Variants in FBXL13 observed in about 807,000 individuals in gnomAD.
FBXL13 encodes F-box and leucine-rich repeat protein 13.
In FBXL13, 67 loss-of-function variants were observed where a neutral mutation model predicts 83.6. That is an observed-to-expected ratio of 0.80 (90% CI 0.66 to 0.98). FBXL13 has a LOEUF of 0.98. FBXL13 is among the 50% of genes least tolerant of loss of function. FBXL13 has a pLI of 0.00. For synonymous variants in FBXL13, 272 were observed against 299.5 expected, an observed-to-expected ratio of 0.91 and a Z score of 0.95; for missense variants, 822 against 866.5, an observed-to-expected ratio of 0.95 and a Z score of 0.64.
intron 2 of FBXL13, among the ~76,000 whole-genome samples, chr7:103,032,912 C>T (rs1480126922): frequency 6.6e-6 from 1 of 152,080 alleles, no homozygotes; most frequent in Non-Finnish European, 1.5e-5. Flanking sequence ...ACCCATAGTA[C>T]CAGCAACTTG....
At chr7:102,933,945 G>A in intron 8 of FBXL13, 1 of 1,612,506 alleles carries the variant, frequency 6.2e-7, no homozygotes, top group Non-Finnish European at 8.5e-7. Context: ...ATCTTGCTCT[G>A]CTTTTGCAAA....
intron 16 of FBXL13, among the ~76,000 whole-genome samples, chr7:102,864,929 A>G (rs6942855): frequency 0.19 from 28,951 of 152,160 alleles, 3,017 homozygotes; most frequent in East Asian, 0.43. Context: ...TCAAAGTGCC[A>G]TGGCACCAGC....
At chr7:102,962,289 T>C (rs1261033172) in intron 8 of FBXL13, among the ~76,000 whole-genome samples, 1 of 152,004 alleles carries the variant, frequency 6.6e-6, no homozygotes, top group Admixed American at 6.6e-5. Flanking sequence ...CAATGAGATA[T>C]CATCTCACAC....
At chr7:103,023,168 C>A (rs537856846) in intron 6 of FBXL13, among the ~76,000 whole-genome samples, 1 of 152,190 alleles carries the variant, frequency 6.6e-6, no homozygotes, top group Admixed American at 6.5e-5. Flanking sequence ...CCCAGCTACT[C>A]AGGAGGCTGA....
rs146764096 is a variant in FBXL13, at chr7:103,055,636, A to G, written c.-1+8T>C. On this transcript the variant is annotated splice_region_variant and intron_variant, in intron 2 of 19. Coordinates refer to ENST00000313221, the Ensembl canonical transcript of FBXL13. Reference sequence around the variant, plus strand: ...TATTTCCCTATCAAAAATCAAAACAATACTTACCAAAGAAGATTCTGAAGA... The same window carrying G: ...TATTTCCCTATCAAAAATCAAAACAGTACTTACCAAAGAAGATTCTGAAGA... The G allele has an allele frequency of 2.2e-3, 2,610 of 1,192,938 alleles. 49 individuals are homozygous for G. In the African/African-American group the frequency reaches 0.039, roughly 18 times the overall value. 73.9% of individuals were successfully genotyped at this position (1,192,938 alleles called of 1,614,324 possible). A position where few individuals can be genotyped will look rare whatever the true frequency, so the allele number is the denominator to read the frequency against.
At chr7:102,933,354 A>G (rs1819600511) in intron 8 of FBXL13, 1 of 150,914 alleles carries the variant, frequency 6.6e-6, no homozygotes, top group African/African-American at 2.5e-5. Flanking sequence ...GTGTTCTTTT[A>G]AAGAAGGAGA....
At chr7:103,065,694 G>A (rs1206303298) in intron 1 of FBXL13, among the ~76,000 whole-genome samples, 2 of 152,232 alleles carry the variant, frequency 1.3e-5, no homozygotes, top group African/African-American at 4.8e-5. Flanking sequence ...AACCTTGGAA[G>A]GAGGGCAGCC....
At chr7:102,953,055 C>A (rs1364148782) in intron 8 of FBXL13, among the ~76,000 whole-genome samples, 1 of 152,014 alleles carries the variant, frequency 6.6e-6, no homozygotes, top group Non-Finnish European at 1.5e-5. Flanking sequence ...GCTTCATGGG[C>A]AAATTTTACC....
intron 17 of FBXL13, among the ~76,000 whole-genome samples, chr7:102,851,368 T>C (rs905076605): frequency 2.6e-5 from 4 of 152,268 alleles, no homozygotes; most frequent in African/African-American, 9.6e-5. Flanking sequence ...TGTGGACTTC[T>C]CAGCTATTAT....
intron 18 of FBXL13, among the ~76,000 whole-genome samples, chr7:102,831,394 G>GAC (rs3045618): frequency 0.071 from 9,988 of 141,506 alleles, 364 homozygotes; most frequent in East Asian, 0.088. Context: ...CAGTGCCCGG[G>GAC]ACACACACAC....
chr7:102,827,489 T>C (rs563745076), intron 18 of FBXL13, among the ~76,000 whole-genome samples: 1 of 152,302 alleles, frequency 6.6e-6, no homozygotes, highest in Non-Finnish European at 1.5e-5. Flanking sequence ...GTGCCAGGAA[T>C]CTCATCCTTT....
At chr7:102,819,676 G>A (rs1798535079) in intron 19 of FBXL13, among the ~76,000 whole-genome samples, 1 of 152,132 alleles carries the variant, frequency 6.6e-6, no homozygotes, top group Non-Finnish European at 1.5e-5. Context: ...AAGACATTGA[G>A]CTTCTTCCCA....
chr7:103,036,323 T>A (rs1279880563), intron 2 of FBXL13, among the ~76,000 whole-genome samples: 1 of 152,140 alleles, frequency 6.6e-6, no homozygotes, highest in African/African-American at 2.4e-5. Flanking sequence ...ATATGCCTAA[T>A]TTAAATCCCT....
intron 6 of FBXL13, among the ~76,000 whole-genome samples, chr7:102,989,519 G>T (rs1047984899): frequency 1.3e-5 from 2 of 152,134 alleles, no homozygotes; most frequent in African/African-American, 4.8e-5. Flanking sequence ...GGAGTGTTTG[G>T]GAGAAAGAAC....
At chr7:102,854,907 T>C (rs776140664) in intron 16 of FBXL13, 47 bp from the exon 18 acceptor site, 11 of 1,100,848 alleles carry the variant, frequency 1.0e-5, no homozygotes, top group Non-Finnish European at 1.5e-5. Flanking sequence ...TCATTTAGTA[T>C]GGAATATATA....
intron 6 of FBXL13, among the ~76,000 whole-genome samples, chr7:103,017,049 G>A (rs1348381603): frequency 1.3e-5 from 2 of 152,230 alleles, no homozygotes; most frequent in Non-Finnish European, 1.5e-5. Context: ...CCTGACCTCC[G>A]AGTAGCCTAA....
At position 102,939,702 on chromosome 7, in the gene FBXL13, A is replaced by G. The variant is rs1821027413; in HGVS notation, c.725-7769T>C. ...AAGTAACTGAACTAAATAATAAAGT[A>G]CAAGTTTTAATTAAACATGACACTT... On this transcript the variant is annotated intron_variant, in intron 8 of 19. Transcript: ENST00000313221. The G allele has an allele frequency of 7.4e-6, 7 of 952,336 alleles. No individual in the cohort carries two copies. In the East Asian group the frequency reaches 7.5e-5, roughly 10 times the overall value. 59.0% of individuals were successfully genotyped at this position (952,336 alleles called of 1,614,324 possible).
chr7:103,023,448 C>G (rs1268523174), intron 6 of FBXL13, among the ~76,000 whole-genome samples: 1 of 152,094 alleles, frequency 6.6e-6, no homozygotes, highest in Non-Finnish European at 1.5e-5. Flanking sequence ...GTTAGAATGG[C>G]TATTATTAAA....
At chr7:102,959,735 T>C (rs915612007) in intron 8 of FBXL13, among the ~76,000 whole-genome samples, 3 of 152,018 alleles carry the variant, frequency 2.0e-5, no homozygotes, top group Non-Finnish European at 2.9e-5. Flanking sequence ...AAAGGATATA[T>C]AGGTTAAAGA....
Sources: allele counts gnomAD v4.1 joint callset (sites outside exome capture counted in the v4.1 genomes callset), GRCh38; gene constraint gnomAD v4.1.1; transcripts MANE v1.5; gene names NCBI Gene and HGNC (gene_info 2026-07-23, HGNC 2026-07-21).